SDK1: variants seen among roughly 807,000 people sequenced by gnomAD.
SDK1 encodes the protein protein sidekick-1.
SDK1 carries 157 observed loss-of-function variants against 245.5 expected under a neutral mutation model. That is an observed-to-expected ratio of 0.64 (90% CI 0.56 to 0.73). The LOEUF is 0.73. SDK1 is among the 30% of genes least tolerant of loss of function. The pLI, the probability that SDK1 is intolerant of heterozygous loss-of-function variation, is 0.00. For synonymous variants in SDK1, 1,647 were observed against 1,278.5 expected, an observed-to-expected ratio of 1.29 and a Z score of -6.15; for missense variants, 3,583 against 3,002.3, an observed-to-expected ratio of 1.19 and a Z score of -4.52.
intron 1 of SDK1, among the ~76,000 whole-genome samples, chr7:3,318,268 C>G (rs1288608632): frequency 6.6e-6 from 1 of 152,166 alleles, no homozygotes; most frequent in African/African-American, 2.4e-5. Flanking sequence ...AGTGCATTGG[C>G]ATTATAACAT....
chr7:4,213,247 A>T (rs1784597177), intron 38 of SDK1, among the ~76,000 whole-genome samples: 1 of 152,094 alleles, frequency 6.6e-6, no homozygotes, highest in African/African-American at 2.4e-5. Context: ...CCCCATCTCT[A>T]CTAAAAATAC....
chr7:3,847,544 C>T lies in SDK1; in HGVS notation c.847+25961C>T, dbSNP rs114299155. 6.0e-3 allele frequency among the ~76,000 whole-genome samples: 919 copies of T among 152,328 alleles called. 8 individuals are homozygous for T. The highest frequency in any genetic ancestry group is 0.021 in the African/African-American group (864 of 41,584). On this transcript the variant is annotated intron_variant, in intron 5 of 44. Transcript: ENST00000404826. ...AAGCAAGCGTGTGGGATTGCAAAGC[C>T]GGCCTTCCTCCTCTTGCCTGCTTCT...
chr7:3,593,598 A>T (rs1367522037), intron 1 of SDK1, among the ~76,000 whole-genome samples: 1 of 152,220 alleles, frequency 6.6e-6, no homozygotes, highest in African/African-American at 2.4e-5. Context: ...ACTAAAAGAT[A>T]GGCACCCATG....
At chr7:3,819,348 T>G (rs1195345949) in intron 4 of SDK1, among the ~76,000 whole-genome samples, 4 of 152,252 alleles carry the variant, frequency 2.6e-5, no homozygotes, top group African/African-American at 9.6e-5. Flanking sequence ...TTTATCTTTA[T>G]GTACCTTTTT....
At chr7:4,145,669 C>T in intron 28 of SDK1, 53 bp from the exon 29 acceptor site, 4 of 1,522,864 alleles carry the variant, frequency 2.6e-6, no homozygotes, top group Non-Finnish European at 3.6e-6. Context: ...CAGGGCTTCC[C>T]TGTGCCGTGG....
At chr7:3,656,245 C>T (rs1436728971) in intron 4 of SDK1, among the ~76,000 whole-genome samples, 3 of 152,172 alleles carry the variant, frequency 2.0e-5, no homozygotes, top group Admixed American at 1.3e-4. Context: ...CCTTGGGAAA[C>T]TCAAGTGAGT....
rs1349571981 is a variant in SDK1, at chr7:4,079,517, C to T, written c.3257C>T (p.Ala1086Val). The T allele has an allele frequency of 2.5e-6, 4 of 1,614,120 alleles. No homozygotes were observed. The African/African-American group carries it at 5.3e-5, about 22-fold the overall frequency. Residue 1086 changes from alanine to valine, a missense_variant, in exon 22 of 45, where the codon GCC becomes GTC. Coordinates refer to ENST00000404826, the MANE Select transcript of SDK1 (RefSeq NM_152744.4). ...ATTTCCAACATCAGCCCTCGCTCCG[C>T]CACCCTTCAGTTCCGGCCAGGCTAT... ...LVISNISPRS[A>V]TLQFRPGYDG...
intron 22 of SDK1, among the ~76,000 whole-genome samples, chr7:4,084,675 C>CGTTATGTTATGTTAT (rs60696477): frequency 0.013 from 1,567 of 119,744 alleles, 14 homozygotes; most frequent in Non-Finnish European, 0.015. Context: ...TGTTATGTTA[C>CGTTATGTTATGTTAT]GTTATGTTAT....
chr7:3,701,526 G>C (rs1301332116), intron 4 of SDK1, among the ~76,000 whole-genome samples: 2 of 152,144 alleles, frequency 1.3e-5, no homozygotes, highest in Non-Finnish European at 2.9e-5. Context: ...CTTGATTCCA[G>C]GATTTGGGGT....
At position 3,511,602 on chromosome 7, in the gene SDK1, C is replaced by T. The variant is rs564704454; in HGVS notation, c.299-107478C>T. 3.7e-4 allele frequency among the ~76,000 whole-genome samples: 56 copies of T among 152,160 alleles called. 2 individuals carry two copies. The highest frequency in any genetic ancestry group is 1.2e-3 in the African/African-American group (50 of 41,510). On this transcript the variant is annotated intron_variant, in intron 1 of 44. Coordinates refer to ENST00000404826, the MANE Select transcript of SDK1 (RefSeq NM_152744.4). ...TGTCTTCTTAACATTGTTGATCTTT[C>T]TAACCCTCTAGTTCAGTTTTTTCTG...
chr7:3,562,002 T>C (rs1779765132), intron 1 of SDK1, among the ~76,000 whole-genome samples: 1 of 152,186 alleles, frequency 6.6e-6, no homozygotes, highest in South Asian at 2.1e-4. Flanking sequence ...ATAGAGGAAA[T>C]AAGCATTCAT....
chr7:4,244,938 G>C (rs1465105279), intron 43 of SDK1, among the ~76,000 whole-genome samples: 1 of 152,198 alleles, frequency 6.6e-6, no homozygotes, highest in African/African-American at 2.4e-5. Flanking sequence ...TGGCTTCTGT[G>C]AGGCCAGCAA....
intron 1 of SDK1, among the ~76,000 whole-genome samples, chr7:3,543,113 C>G (rs548171793): frequency 4.6e-5 from 7 of 152,202 alleles, no homozygotes; most frequent in Non-Finnish European, 7.3e-5. Context: ...AACGTGTTGA[C>G]CTATGTCTCC....
At chr7:4,123,119 G>T (rs1473169772) in intron 25 of SDK1, among the ~76,000 whole-genome samples, 1 of 152,166 alleles carries the variant, frequency 6.6e-6, no homozygotes, top group Non-Finnish European at 1.5e-5. Context: ...GCTGTGATTT[G>T]TAGGTCTATA....
At chr7:3,338,079 G>T in intron 1 of SDK1, 1 of 182,538 alleles carries the variant, frequency 5.5e-6, no homozygotes, top group Non-Finnish European at 1.1e-5. Context: ...AAAAAGTGGG[G>T]AAGGGCCTTT....
chr7:3,984,620 G>C (rs1338386060), intron 13 of SDK1, among the ~76,000 whole-genome samples: 1 of 152,078 alleles, frequency 6.6e-6, no homozygotes, highest in Non-Finnish European at 1.5e-5. Context: ...TGTTTTGCAA[G>C]GTTTGTCCTG....
At chr7:4,027,275 A>G (rs952928290) in intron 17 of SDK1, among the ~76,000 whole-genome samples, 1 of 152,218 alleles carries the variant, frequency 6.6e-6, no homozygotes, top group African/African-American at 2.4e-5. Context: ...GTTTATGTGT[A>G]ACAGGGAAGG....
intron 1 of SDK1, among the ~76,000 whole-genome samples, chr7:3,506,642 T>G (rs947813765): frequency 6.6e-6 from 1 of 152,174 alleles, no homozygotes; most frequent in East Asian, 1.9e-4. Context: ...CTTACAGTCT[T>G]CCTCCCCCTG....
At chr7:3,531,695 C>T (rs921465134) in intron 1 of SDK1, among the ~76,000 whole-genome samples, 18 of 152,144 alleles carry the variant, frequency 1.2e-4, no homozygotes, top group African/African-American at 4.1e-4. Flanking sequence ...TTTGTCGCCT[C>T]ACCTAGGTAA....
Sources: allele counts gnomAD v4.1 joint callset (sites outside exome capture counted in the v4.1 genomes callset), GRCh38; gene constraint gnomAD v4.1.1; transcripts MANE v1.5; gene names NCBI Gene and HGNC (gene_info 2026-07-23, HGNC 2026-07-21).